The following GPC6 variants were observed in gnomAD, a reference collection of about 807,000 sequenced individuals.
GPC6 encodes glypican-6.
GPC6 carries 14 observed loss-of-function variants against 55.2 expected under a neutral mutation model. The ratio of observed to expected loss-of-function variants is 0.25; its 90% confidence interval spans 0.17 to 0.40. GPC6 has a LOEUF of 0.40. GPC6 is among the 10% of genes least tolerant of loss of function. GPC6 has a pLI of 1.00. For synonymous variants in GPC6, 278 were observed against 259.6 expected, an observed-to-expected ratio of 1.07 and a Z score of -0.68; for missense variants, 641 against 708.5, an observed-to-expected ratio of 0.90 and a Z score of 1.08.
intron 4 of GPC6, among the ~76,000 whole-genome samples, chr13:94,032,656 G>A (rs1883185244): frequency 6.6e-6 from 1 of 152,156 alleles, no homozygotes; most frequent in Non-Finnish European, 1.5e-5. Context: ...GCAAAAAGTT[G>A]AGTTATCTTG....
At chr13:93,550,067 C>T (rs1875058038) in intron 2 of GPC6, among the ~76,000 whole-genome samples, 1 of 151,958 alleles carries the variant, frequency 6.6e-6, no homozygotes, top group Admixed American at 6.6e-5. Context: ...AAGGCAGGAA[C>T]AGTATTAAAT....
intron 2 of GPC6, among the ~76,000 whole-genome samples, chr13:93,604,039 A>G (rs1215577573): frequency 2.0e-5 from 3 of 152,258 alleles, no homozygotes; most frequent in African/African-American, 7.2e-5. Context: ...TAGACAAACA[A>G]ATTTAATGCC....
intron 4 of GPC6, among the ~76,000 whole-genome samples, chr13:94,186,059 CCAA>C (rs1233610918): frequency 4.7e-5 from 3 of 63,856 alleles, no homozygotes; most frequent in African/African-American, 1.2e-4. Flanking sequence ...GACTCCGTCT[CCAA>C]AAAAAAAAAA....
chr13:94,332,753 C>T (rs1280439282), intron 6 of GPC6, among the ~76,000 whole-genome samples: 1 of 152,138 alleles, frequency 6.6e-6, no homozygotes, highest in Non-Finnish European at 1.5e-5. Flanking sequence ...TTTTTATAAA[C>T]AAAATCAGTT....
chr13:93,672,433 A>C (rs562796530), intron 2 of GPC6, among the ~76,000 whole-genome samples: 2 of 152,186 alleles, frequency 1.3e-5, no homozygotes, highest in South Asian at 4.1e-4. Flanking sequence ...TTAAGCAAGC[A>C]TGTCAGTTCA....
At chr13:93,363,677 A>G (rs1224942583) in intron 1 of GPC6, among the ~76,000 whole-genome samples, 1 of 151,576 alleles carries the variant, frequency 6.6e-6, no homozygotes, top group African/African-American at 2.4e-5. Flanking sequence ...GTCAAATGGT[A>G]TTTCTAGTTC....
At chr13:93,654,822 C>T (rs1056025884) in intron 2 of GPC6, among the ~76,000 whole-genome samples, 2 of 150,936 alleles carry the variant, frequency 1.3e-5, no homozygotes, top group African/African-American at 4.9e-5. Flanking sequence ...AATCCAAAGA[C>T]ATCAACATAA....
At chr13:93,546,572 T>G (rs922757115) in intron 2 of GPC6, among the ~76,000 whole-genome samples, 8 of 152,344 alleles carry the variant, frequency 5.3e-5, no homozygotes, top group Non-Finnish European at 1.2e-4. Context: ...CTCTCCCTTG[T>G]GTATAACTAT....
chr13:93,799,545 AC>A (rs1410686156), intron 2 of GPC6, among the ~76,000 whole-genome samples: 2 of 152,300 alleles, frequency 1.3e-5, no homozygotes, highest in East Asian at 3.9e-4. Flanking sequence ...ATTGGTCTAA[AC>A]TAAAAGTGAA....
intron 3 of GPC6, among the ~76,000 whole-genome samples, chr13:93,857,309 T>A (rs1888653076): frequency 6.6e-6 from 1 of 151,470 alleles, no homozygotes. Flanking sequence ...CATAAAAATA[T>A]CAGAGGTGTT....
chr13:93,690,719 C>T (rs553086931), intron 2 of GPC6, among the ~76,000 whole-genome samples: 1 of 152,164 alleles, frequency 6.6e-6, no homozygotes, highest in South Asian at 2.1e-4. Context: ...TGGTTGCCCA[C>T]CACCTCCACC....
At chr13:93,383,483 T>C (rs531202372) in intron 1 of GPC6, among the ~76,000 whole-genome samples, 1 of 152,308 alleles carries the variant, frequency 6.6e-6, no homozygotes, top group African/African-American at 2.4e-5. Flanking sequence ...TCCTAAAATG[T>C]TGGGATTACA....
At chr13:93,698,477 G>A (rs1383856042) in intron 2 of GPC6, among the ~76,000 whole-genome samples, 1 of 113,758 alleles carries the variant, frequency 8.8e-6, no homozygotes, top group African/African-American at 3.3e-5. Context: ...TTCTGCTACT[G>A]TGTGGGTCTT....
chr13:94,149,465 A>G (rs1349596640), intron 4 of GPC6, among the ~76,000 whole-genome samples: 1 of 152,168 alleles, frequency 6.6e-6, no homozygotes, highest in Non-Finnish European at 1.5e-5. Context: ...CCTTTAGAAC[A>G]TAACTTAAGT....
chr13:93,564,419 G>T (rs1875981803), intron 2 of GPC6, among the ~76,000 whole-genome samples: 1 of 152,016 alleles, frequency 6.6e-6, no homozygotes, highest in African/African-American at 2.4e-5. Flanking sequence ...AAGTCCTTTT[G>T]TACCTTTTGA....
At chr13:93,390,680 T>C (rs913484330) in intron 1 of GPC6, among the ~76,000 whole-genome samples, 3 of 152,094 alleles carry the variant, frequency 2.0e-5, no homozygotes, top group Non-Finnish European at 2.9e-5. Context: ...ATCCTTTTTT[T>C]CCCCAGAAGA....
intron 1 of GPC6, among the ~76,000 whole-genome samples, chr13:93,419,218 G>C (rs1347653416): frequency 1.3e-5 from 2 of 151,214 alleles, no homozygotes; most frequent in Non-Finnish European, 3.0e-5. Flanking sequence ...GGTAAAAATG[G>C]GACTATAAGA....
intron 1 of GPC6, among the ~76,000 whole-genome samples, chr13:93,315,221 GAT>G (rs1363733806): frequency 1.3e-5 from 2 of 151,946 alleles, no homozygotes; most frequent in Non-Finnish European, 2.9e-5. Context: ...TATTTAAAGA[GAT>G]ATGTTGTTTG....
intron 3 of GPC6, among the ~76,000 whole-genome samples, chr13:93,917,085 AC>A (rs1211923996): frequency 1.3e-5 from 2 of 152,210 alleles, no homozygotes; most frequent in Non-Finnish European, 2.9e-5. Context: ...TGTGTGTTTG[AC>A]ATGAGAAATG....
Sources: gnomAD v4.1 joint callset for allele counts (sites outside exome capture counted in the v4.1 genomes callset) on GRCh38, gnomAD v4.1.1 for gene constraint, MANE v1.5 for transcripts, NCBI Gene and HGNC (gene_info 2026-07-23, HGNC 2026-07-21) for gene names.